The following SMC1A variants were observed in gnomAD, a reference collection of about 807,000 sequenced individuals.
The protein encoded by SMC1A is structural maintenance of chromosomes protein 1A.
SMC1A carries 4 observed loss-of-function variants against 94.5 expected under a neutral mutation model. That is an observed-to-expected ratio of 0.04 (90% CI 0.02 to 0.10). SMC1A has a LOEUF of 0.10. Among genes scored for constraint, SMC1A ranks in the 10% least tolerant of loss-of-function variants. The pLI, the probability that SMC1A is intolerant of heterozygous loss-of-function variation, is 1.00. For missense variants in SMC1A, 304 were observed against 989.0 expected, an observed-to-expected ratio of 0.31 and a Z score of 9.29; for synonymous variants, 345 against 347.7, an observed-to-expected ratio of 0.99 and a Z score of 0.09.
chrX:53,422,666 C>T, upstream of SMC1A: 9 of 715,344 alleles, frequency 1.3e-5, no homozygotes, highest in Non-Finnish European at 1.6e-5. Context: ...AGGTAGCCCG[C>T]GCGGGAAACG....
rs782433731 is a variant in SMC1A at position 53,411,740 on chromosome X, AATCTT to A, written c.1254+16_1254+20del. 1 of 1,205,288 alleles carries A rather than the reference AATCTT, an allele frequency of 8.3e-7. No individual in the cohort carries two copies. Among genetic ancestry groups the A allele is most frequent in the Non-Finnish European group, 1.1e-6 (1 of 891,025 alleles). On this transcript the variant is annotated intron_variant, in intron 7 of 24. Transcript: ENST00000322213. ...TCCTTTTCTGTGGACCATCATCCCT[AATCTT>A]ATAACTATAGCCCACCTCTGTCTCT...
At position 53,377,823 on chromosome X, in the gene SMC1A, G is replaced by A; in HGVS notation, c.*2280C>T. On this transcript the variant is annotated 3_prime_UTR_variant, in exon 25 of 25. Coordinates refer to ENST00000322213, the MANE Select transcript of SMC1A (RefSeq NM_006306.4). The stretch of plus-strand genomic sequence containing the variant: ...ACAGATGTGGAAACTTAGGCTCAGA[G>A]GTGAAGTAACTTGCACAAGTTTCTA... The A allele has an allele frequency of 8.9e-6, 1 of 112,082 alleles. No homozygotes were observed. Among genetic ancestry groups the A allele is most frequent in the East Asian group, 2.8e-4 (1 of 3,577 alleles). The allele number at this position is 112,082 out of a possible 1,213,427, so 9.2% of individuals were successfully genotyped here. A position where few individuals can be genotyped will look rare whatever the true frequency, so the allele number is the denominator to read the frequency against.
At chrX:53,391,579 C>T (rs1307977237) in intron 19 of SMC1A, among the ~76,000 whole-genome samples, 3 of 111,177 alleles carry the variant, frequency 2.7e-5, no homozygotes, top group East Asian at 2.8e-4. Context: ...CAGGCTACAG[C>T]GCACTGGTGT....
At chrX:53,394,746 A>ACCCC in intron 19 of SMC1A, 32 bp downstream of exon 19, 1 of 215,459 alleles carries the variant, frequency 4.6e-6, no homozygotes, top group Non-Finnish European at 8.4e-6. Flanking sequence ...CCCAACCCCC[A>ACCCC]CCCCCACCAC....
At position 53,380,671 on chromosome X, in the gene SMC1A, G is replaced by A. The variant is rs781825792; in HGVS notation, c.3567C>T (p.Leu1189=). 8.3e-7 allele frequency: 1 copy of A among 1,209,233 alleles called. No homozygotes were observed. The highest frequency in any genetic ancestry group is 1.1e-6 in the Non-Finnish European group (1 of 893,903). ...CGGCCTTGGTGTAGAACTCCTCCTT[G>A]AGAGAGATGACGATGGCCTGGAAGT... ...TCNFQAIVIS[L]KEEFYTKAES... Residue 1189 remains leucine (L), a synonymous_variant, in exon 24 of 25, where the codon CTC becomes CTT. Coordinates refer to ENST00000322213, the MANE Select transcript of SMC1A (RefSeq NM_006306.4).
chrX:53,409,795 C>A (rs781843812), intron 7 of SMC1A, among the ~76,000 whole-genome samples: 2 of 112,043 alleles, frequency 1.8e-5, no homozygotes, highest in African/African-American at 6.5e-5. Flanking sequence ...GCTTCACAGG[C>A]CTTTCTGTAC....
At chrX:53,397,830 T>C (rs1171938130) in intron 16 of SMC1A, among the ~76,000 whole-genome samples, 2 of 110,963 alleles carry the variant, frequency 1.8e-5, no homozygotes, top group Non-Finnish European at 3.8e-5. Context: ...TCCCAAATCA[T>C]CTAGGTATCT....
Position 53,406,104 on chromosome X carries a change from A to G in SMC1A, c.1546-148T>C, listed in dbSNP as rs782622932. 5.5e-5 allele frequency: 31 copies of G among 561,816 alleles called. No individual in the cohort carries two copies. The East Asian group carries it at 1.0e-3, about 19-fold the overall frequency. The allele number at this position is 561,816 out of a possible 1,213,427, so 46.3% of individuals were successfully genotyped here. A position where few individuals can be genotyped will look rare whatever the true frequency, so the allele number is the denominator to read the frequency against. On this transcript the variant is annotated intron_variant, in intron 9 of 24. Coordinates refer to ENST00000322213, the MANE Select transcript of SMC1A (RefSeq NM_006306.4). Reference sequence around the variant, plus strand: ...ATTGCCTAGTGGTTAAGATAACCCAATACCAAGCATGGTAGTGTGTGTTTG... The same window carrying G: ...ATTGCCTAGTGGTTAAGATAACCCAGTACCAAGCATGGTAGTGTGTGTTTG...
intron 19 of SMC1A, among the ~76,000 whole-genome samples, chrX:53,388,701 AG>A (rs1206524737): frequency 9.1e-6 from 1 of 110,012 alleles, no homozygotes; most frequent in Non-Finnish European, 1.9e-5. Context: ...TGTGGCTACT[AG>A]AAAATCGAAA....
intron 21 of SMC1A, 54 bp from the exon 22 acceptor site, chrX:53,382,437 G>A (rs2075587242): frequency 2.3e-5 from 28 of 1,194,814 alleles, no homozygotes; most frequent in Non-Finnish European, 3.0e-5. Flanking sequence ...TGGAGATAGG[G>A]ACAGGAAGCC....
At chrX:53,380,208 G>GA in intron 24 of SMC1A, 22 bp from the exon 25 acceptor site, 1 of 1,131,219 alleles carries the variant, frequency 8.8e-7, no homozygotes, top group Non-Finnish European at 1.2e-6. Context: ...GGGAGAAAAA[G>GA]AAAAATAAAA....
intron 24 of SMC1A, 36 bp from the exon 25 acceptor site, chrX:53,380,222 T>A: frequency 9.4e-7 from 1 of 1,064,581 alleles, no homozygotes. Context: ...AATAAAATTG[T>A]AAGGAGAGAA....
intron 19 of SMC1A, among the ~76,000 whole-genome samples, chrX:53,393,886 G>A (rs1556887612): frequency 9.0e-6 from 1 of 111,035 alleles, no homozygotes; most frequent in African/African-American, 3.3e-5. Context: ...GCCGGGCACA[G>A]TGGCTCACAC....
At chrX:53,398,133 G>A (rs2075658527) in intron 16 of SMC1A, among the ~76,000 whole-genome samples, 1 of 101,226 alleles carries the variant, frequency 9.9e-6, no homozygotes, top group African/African-American at 3.6e-5. Context: ...GCTGCAGTGA[G>A]CCAAGTACTA....
In SMC1A at chrX:53,379,910, CCT is replaced by C. The variant is rs1459849526; in HGVS notation, c.*191_*192del. 7 of 457,869 alleles carry C rather than the reference CCT, an allele frequency of 1.5e-5. No homozygotes were observed. The highest frequency in any genetic ancestry group is 4.8e-5 in the African/African-American group (2 of 41,613). 37.7% of individuals were successfully genotyped at this position (457,869 alleles called of 1,213,427 possible). On this transcript the variant is annotated 3_prime_UTR_variant, in exon 25 of 25. Transcript: ENST00000322213. Reference sequence around the variant, plus strand: ...CCTCCTTTCAGAGGCCAGAATACTCCCTGTCGTTCAGGAATTTTTGCTCCAGA... The same window carrying C: ...CCTCCTTTCAGAGGCCAGAATACTCCGTCGTTCAGGAATTTTTGCTCCAGA...
chrX:53,399,770 T>C, intron 15 of SMC1A, 40 bp from the exon 16 acceptor site: 1 of 1,171,743 alleles, frequency 8.5e-7, no homozygotes, highest in Non-Finnish European at 1.2e-6. Context: ...CATAATCTCA[T>C]CAGCCAGAGA....
chrX:53,414,054 G>A (rs1233895412), intron 3 of SMC1A, among the ~76,000 whole-genome samples: 6 of 97,141 alleles, frequency 6.2e-5, no homozygotes, highest in Non-Finnish European at 1.0e-4. Flanking sequence ...TCCAGCCTAG[G>A]TGACAAGCGA....
intron 20 of SMC1A, 138 bp downstream of exon 20, chrX:53,382,959 C>T (rs1218157957): frequency 1.7e-5 from 11 of 651,496 alleles, no homozygotes; most frequent in Non-Finnish European, 2.6e-5. Flanking sequence ...GTGTAATAAC[C>T]CCTACTGTTT....
rs1556885713 is a variant in SMC1A at position 53,380,189 on chromosome X, G to A, written c.3619-3C>T. 8.5e-7 allele frequency: 1 copy of A among 1,179,917 alleles called. No homozygotes were observed. The highest frequency in any genetic ancestry group is 1.2e-6 in the Non-Finnish European group (1 of 867,959). The stretch of plus-strand genomic sequence containing the variant: ...TTGCTGATCACACAGTCCCCTTGCT[G>A]AAGGAGGAGGGAGAAAAAGAAAAAT... On this transcript the variant is annotated splice_region_variant and splice_polypyrimidine_tract_variant and intron_variant, in intron 24 of 24. Coordinates refer to ENST00000322213, the MANE Select transcript of SMC1A (RefSeq NM_006306.4).
Sources: gnomAD v4.1 joint callset for allele counts (sites outside exome capture counted in the v4.1 genomes callset) on GRCh38, gnomAD v4.1.1 for gene constraint, MANE v1.5 for transcripts, NCBI Gene and HGNC (gene_info 2026-07-23, HGNC 2026-07-21) for gene names.